Variants in COTL1 observed in about 807,000 individuals in gnomAD.
COTL1 encodes coactosin like F-actin binding protein 1.
In COTL1, 15 loss-of-function variants were observed where a neutral mutation model predicts 16.5. The observed-to-expected ratio is 0.91, with a 90% CI of 0.61 to 1.40. The LOEUF is 1.40. Ranked by LOEUF, COTL1 falls within the 40% of genes most tolerant of loss-of-function variation. COTL1 has a pLI of 0.00. For missense variants in COTL1, 220 were observed against 201.5 expected (o/e 1.09, Z -0.56); for synonymous variants, 112 against 85.3 (o/e 1.31, Z -1.73).
chr16:84,613,006 C>CTTTTT (rs71151230), intron 2 of COTL1, among the ~76,000 whole-genome samples: 12 of 137,244 alleles, frequency 8.7e-5, no homozygotes, highest in East Asian at 4.2e-4. Context: ...TTCTTTCTTT[C>CTTTTT]TTTTTTTTTT....
chr16:84,591,787 G>A (rs1597176528), intron 2 of COTL1, among the ~76,000 whole-genome samples: 1 of 147,084 alleles, frequency 6.8e-6, no homozygotes, highest in Non-Finnish European at 1.5e-5. Context: ...TTACGCCACT[G>A]TACTCCAGCC....
chr16:84,579,586 C>T (rs761491289), intron 3 of COTL1, among the ~76,000 whole-genome samples: 1 of 152,190 alleles, frequency 6.6e-6, no homozygotes, highest in African/African-American at 2.4e-5. Context: ...AAGGGCTCCA[C>T]GGGAAGGGGC....
chr16:84,599,387 G>A (rs1905068500), intron 2 of COTL1, among the ~76,000 whole-genome samples: 1 of 152,120 alleles, frequency 6.6e-6, no homozygotes, highest in Non-Finnish European at 1.5e-5. Flanking sequence ...ACACATACTA[G>A]GTGTAGAATA....
intron 2 of COTL1, among the ~76,000 whole-genome samples, chr16:84,602,573 G>A (rs1266901767): frequency 6.6e-6 from 1 of 151,868 alleles, no homozygotes; most frequent in Admixed American, 6.6e-5. Context: ...AAGCACATGT[G>A]GCCAGACGCA....
chr16:84,591,014 A>G (rs113843081), intron 2 of COTL1, among the ~76,000 whole-genome samples: 184 of 152,246 alleles, frequency 1.2e-3, no homozygotes, highest in African/African-American at 4.2e-3. Context: ...AGTCATTTTT[A>G]TTAAAATGGC....
chr16:84,599,668 G>C (rs1905073160), intron 2 of COTL1, among the ~76,000 whole-genome samples: 1 of 152,182 alleles, frequency 6.6e-6, no homozygotes, highest in South Asian at 2.1e-4. Context: ...GAGGACAGGA[G>C]GAAGTTGCCC....
intron 2 of COTL1, among the ~76,000 whole-genome samples, chr16:84,608,292 C>G (rs1905253063): frequency 6.6e-6 from 1 of 152,062 alleles, no homozygotes; most frequent in South Asian, 2.1e-4. Context: ...GACAAAAACC[C>G]AATTCACCTA....
intron 2 of COTL1, among the ~76,000 whole-genome samples, chr16:84,609,506 T>C (rs900643252): frequency 1.3e-5 from 2 of 152,230 alleles, no homozygotes; most frequent in African/African-American, 4.8e-5. Flanking sequence ...AAGTGGTTAG[T>C]CGGACTCTCC....
chr16:84,572,644 T>A lies in COTL1; in HGVS notation c.319-5689A>T, dbSNP rs568470905. Among the ~76,000 whole-genome samples the A allele has an allele frequency of 1.1e-4, 17 of 152,296 alleles. No individual in the cohort carries two copies. The East Asian group carries it at 2.5e-3, about 22-fold the overall frequency. On this transcript the variant is annotated intron_variant, in intron 3 of 3. Coordinates refer to ENST00000262428, the MANE Select transcript of COTL1 (RefSeq NM_021149.5). ...TCCAGCTGATTTTTGTATTTTTCTG[T>A]AGAGACGTGGTTTCGTCATGTTGCC...
intron 2 of COTL1, among the ~76,000 whole-genome samples, chr16:84,607,959 G>C (rs1018333065): frequency 2.0e-5 from 3 of 152,178 alleles, no homozygotes; most frequent in African/African-American, 7.2e-5. Context: ...ACAGGAGAGA[G>C]ACATAAAAGG....
chr16:84,577,251 TTTTGG>T (rs1904473604), intron 3 of COTL1, among the ~76,000 whole-genome samples: 1 of 152,086 alleles, frequency 6.6e-6, no homozygotes, highest in South Asian at 2.1e-4. Context: ...TTGGTTTTGG[TTTTGG>T]TTTTTTGAGA....
chr16:84,569,345 G>A (rs1315938721), intron 3 of COTL1, among the ~76,000 whole-genome samples: 2 of 151,848 alleles, frequency 1.3e-5, no homozygotes, highest in Non-Finnish European at 2.9e-5. Flanking sequence ...ACATAAAAAG[G>A]TTCATTTTAT....
At chr16:84,582,366 G>C (rs1029315399) in intron 3 of COTL1, among the ~76,000 whole-genome samples, 1 of 152,010 alleles carries the variant, frequency 6.6e-6, no homozygotes, top group Non-Finnish European at 1.5e-5. Context: ...CTGGTTTCAG[G>C]CTCCTGAGCT....
chr16:84,617,627 T>G, intron 1 of COTL1, 44 bp from the exon 2 acceptor site: 29 of 1,486,650 alleles, frequency 2.0e-5, no homozygotes, highest in Non-Finnish European at 2.5e-5. Flanking sequence ...ACATCAGCGC[T>G]GGTGGCCGCG....
At chr16:84,603,109 C>G (rs116287951) in intron 2 of COTL1, among the ~76,000 whole-genome samples, 1,614 of 152,322 alleles carry the variant, frequency 0.011, 29 homozygotes, top group African/African-American at 0.037. Flanking sequence ...CTCTGCCCCC[C>G]AGTTCCCCGG....
At chr16:84,598,227 G>A (rs962754866) in intron 2 of COTL1, among the ~76,000 whole-genome samples, 3 of 152,112 alleles carry the variant, frequency 2.0e-5, no homozygotes, top group Non-Finnish European at 2.9e-5. Flanking sequence ...TATGTTTAAC[G>A]TTAATAAAAC....
At chr16:84,570,495 C>G (rs936744269) in intron 3 of COTL1, among the ~76,000 whole-genome samples, 3 of 150,284 alleles carry the variant, frequency 2.0e-5, no homozygotes, top group Non-Finnish European at 4.4e-5. Context: ...AAAAAAAAAC[C>G]CTCAAACCTT....
intron 3 of COTL1, 75 bp from the exon 4 acceptor site, chr16:84,567,030 C>T: frequency 1.0e-6 from 1 of 985,314 alleles, no homozygotes. Flanking sequence ...TCAGGCAACA[C>T]ACTGGGAAGC....
rs575010183 is a variant in COTL1, at chr16:84,610,720, T to C, written c.160+6781A>G. On this transcript the variant is annotated intron_variant, in intron 2 of 3. Transcript: ENST00000262428. ...GGAGAGGTTCCCCCAAAGGAGGGAA[T>C]GCTGGACAGAAAAAAAAACATCAAT... Among the ~76,000 whole-genome samples, 34 of 152,062 alleles carry C rather than the reference T, an allele frequency of 2.2e-4. No homozygotes were observed. The South Asian group carries it at 6.9e-3, about 31-fold the overall frequency.
Sources: gnomAD v4.1 joint callset for allele counts (sites outside exome capture counted in the v4.1 genomes callset) on GRCh38, gnomAD v4.1.1 for gene constraint, MANE v1.5 for transcripts, NCBI Gene and HGNC (gene_info 2026-07-23, HGNC 2026-07-21) for gene names.